The following PICALM variants were observed in gnomAD, a reference collection of about 807,000 sequenced individuals.
PICALM encodes phosphatidylinositol-binding clathrin assembly protein.
In PICALM, 40 loss-of-function variants were observed where a neutral mutation model predicts 80.5. That is an observed-to-expected ratio of 0.50 (90% CI 0.39 to 0.65). The LOEUF (loss-of-function observed/expected upper bound fraction) is 0.65, where lower values mean the gene tolerates loss of function less well. PICALM is among the 30% of genes least tolerant of loss of function. PICALM has a pLI of 0.00. For missense variants in PICALM, 676 were observed against 778.9 expected (o/e 0.87, Z 1.57); for synonymous variants, 288 against 260.3 (o/e 1.11, Z -1.02).
At chr11:85,999,243 T>C (rs1302153820) in intron 11 of PICALM, among the ~76,000 whole-genome samples, 1 of 152,230 alleles carries the variant, frequency 6.6e-6, no homozygotes, top group East Asian at 1.9e-4. Context: ...TGTACAATAG[T>C]TGTGTAGATA....
At chr11:85,991,142 C>A (rs371048497) in intron 12 of PICALM, among the ~76,000 whole-genome samples, 5 of 152,110 alleles carry the variant, frequency 3.3e-5, no homozygotes, top group Middle Eastern at 3.4e-3. Context: ...TATACTGATA[C>A]CTTATTCAAG....
At chr11:86,008,430 G>A (rs2095322412) in intron 7 of PICALM, among the ~76,000 whole-genome samples, 1 of 152,010 alleles carries the variant, frequency 6.6e-6, no homozygotes, top group African/African-American at 2.4e-5. Context: ...GACCATCCTG[G>A]CTAACACAGT....
At chr11:85,990,979 G>A (rs1467523556) in intron 12 of PICALM, among the ~76,000 whole-genome samples, 2 of 152,186 alleles carry the variant, frequency 1.3e-5, no homozygotes, top group Non-Finnish European at 2.9e-5. Context: ...CCACTTAATA[G>A]ACTGCGAACA....
At chr11:85,993,442 T>G (rs1391459090) in intron 12 of PICALM, among the ~76,000 whole-genome samples, 1 of 152,060 alleles carries the variant, frequency 6.6e-6, no homozygotes, top group Non-Finnish European at 1.5e-5. Context: ...TCAAGTTTAA[T>G]TTTTTCATTT....
Position 85,990,330 on chromosome 11 carries a change from C to A in PICALM, c.1328G>T (p.Ser443Ile). The A allele has an allele frequency of 6.2e-7, 1 of 1,606,994 alleles. No homozygotes were observed. The highest frequency in any genetic ancestry group is 8.5e-7 in the Non-Finnish European group (1 of 1,173,914). Residue 443 changes from serine (S) to isoleucine (I), a missense_variant, in exon 13 of 20, where the codon AGT (serine) becomes ATT (isoleucine). Physicochemically the swap from Ser to Ile is moderately radical, Grantham distance 142. Transcript: ENST00000393346. ...AATGGAAAGGTGAACATCACCACTA[C>A]TTTTTGTGAGGAAAGGATTTAAGCT... ...IPSLNPFLTK[S>I]SGDVHLSISS...
intron 9 of PICALM, 33 bp from the exon 10 acceptor site, chr11:86,001,191 T>C: frequency 1.9e-6 from 3 of 1,607,542 alleles, no homozygotes; most frequent in Non-Finnish European, 2.6e-6. Flanking sequence ...ATTTGGCTTT[T>C]TGCTAAACAC....
chr11:85,998,864 T>A lies in PICALM; in HGVS notation c.1154+1779A>T, dbSNP rs558423511. 7.9e-5 allele frequency among the ~76,000 whole-genome samples: 12 copies of A among 152,268 alleles called. No individual in the cohort carries two copies. The East Asian group carries it at 2.3e-3, about 29-fold the overall frequency. On this transcript the variant is annotated intron_variant, in intron 11 of 19. Transcript: ENST00000393346. ...AGCTTGTACGGCTGGGCTCAGGCCT[T>A]CCTCCTGCCTCAACCTCCTGAGTAG...
intron 1 of PICALM, among the ~76,000 whole-genome samples, chr11:86,044,768 A>G (rs2096040150): frequency 6.6e-6 from 1 of 152,150 alleles, no homozygotes; most frequent in South Asian, 2.1e-4. Flanking sequence ...GGGGCATTAG[A>G]TTCTCATAGG....
Position 86,063,822 on chromosome 11 carries a change from G to A in PICALM, c.130+4829C>T, listed in dbSNP as rs1380266140. ...TGACTAATTCTTACAGGAAAGAATAGGAAGCCCAGACATTAATTACAAAAT... is the reference window on the plus strand; with the variant it reads ...TGACTAATTCTTACAGGAAAGAATAAGAAGCCCAGACATTAATTACAAAAT... On this transcript the variant is annotated intron_variant, in intron 1 of 19. Coordinates refer to ENST00000393346, the MANE Select transcript of PICALM (RefSeq NM_007166.4). Among the ~76,000 whole-genome samples the A allele has an allele frequency of 2.0e-5, 3 of 151,922 alleles. No individual in the cohort carries two copies. The South Asian group carries it at 6.2e-4, about 32-fold the overall frequency.
intron 1 of PICALM, among the ~76,000 whole-genome samples, chr11:86,049,497 C>A (rs1317052691): frequency 6.6e-6 from 1 of 152,122 alleles, no homozygotes; most frequent in East Asian, 1.9e-4. Flanking sequence ...GACAGCTCGC[C>A]TGAAATAAAG....
At chr11:86,069,102 C>G (rs2096486942), upstream of PICALM, 1 of 294,570 alleles carries the variant, frequency 3.4e-6, no homozygotes, top group Non-Finnish European at 6.5e-6. Flanking sequence ...GGCTCCTCCT[C>G]GGAGCTTTCC....
chr11:86,051,133 T>C (rs1373656505), intron 1 of PICALM, among the ~76,000 whole-genome samples: 1 of 152,214 alleles, frequency 6.6e-6, no homozygotes, highest in African/African-American at 2.4e-5. Flanking sequence ...CAGAATACTC[T>C]GATGGAGAAT....
intron 5 of PICALM, among the ~76,000 whole-genome samples, chr11:86,012,875 A>G (rs748956307): frequency 2.6e-5 from 4 of 151,500 alleles, no homozygotes; most frequent in Non-Finnish European, 5.9e-5. Context: ...TTTACAAAAT[A>G]AAAAATACAT....
intron 19 of PICALM, among the ~76,000 whole-genome samples, chr11:85,972,300 G>A (rs2094136624): frequency 6.6e-6 from 1 of 152,156 alleles, no homozygotes; most frequent in Non-Finnish European, 1.5e-5. Flanking sequence ...GTTCACTGCT[G>A]ACGAAAGAAG....
chr11:86,051,774 A>G (rs770627962), intron 1 of PICALM, among the ~76,000 whole-genome samples: 2 of 152,336 alleles, frequency 1.3e-5, no homozygotes, highest in East Asian at 1.9e-4. Context: ...CTCATTCCAT[A>G]TAAGTTTTCT....
chr11:85,967,437 G>GT (rs1164512961), intron 19 of PICALM, among the ~76,000 whole-genome samples: 3 of 152,196 alleles, frequency 2.0e-5, no homozygotes, highest in African/African-American at 7.2e-5. Flanking sequence ...TATTCTATAA[G>GT]TTGTCTTGTT....
intron 17 of PICALM, chr11:85,978,210 C>G: frequency 2.5e-6 from 2 of 798,040 alleles, no homozygotes; most frequent in Non-Finnish European, 4.4e-6. Flanking sequence ...CACTAACTAC[C>G]TAAAATCCCT....
chr11:86,047,952 T>C lies in PICALM; in HGVS notation c.131-16341A>G, dbSNP rs576322998. ...TCGTCTCTACTAAAAATATAAAAAA[T>C]TAGCCGGGCATGGTGGCGGGCACCT... On this transcript the variant is annotated intron_variant, in intron 1 of 19. Coordinates refer to ENST00000393346, the MANE Select transcript of PICALM (RefSeq NM_007166.4). Among the ~76,000 whole-genome samples, 5 of 152,020 alleles carry C rather than the reference T, an allele frequency of 3.3e-5. No homozygotes were observed. The South Asian group carries it at 6.3e-4, about 19-fold the overall frequency.
intron 19 of PICALM, among the ~76,000 whole-genome samples, chr11:85,962,565 C>A (rs984966688): frequency 1.3e-5 from 2 of 152,142 alleles, no homozygotes. Flanking sequence ...GAGCATACTG[C>A]TAGACAAGTC....
Sources: allele counts gnomAD v4.1 joint callset (sites outside exome capture counted in the v4.1 genomes callset), GRCh38; gene constraint gnomAD v4.1.1; transcripts MANE v1.5; gene names NCBI Gene and HGNC (gene_info 2026-07-23, HGNC 2026-07-21).